SNX13: variants seen among roughly 807,000 people sequenced by gnomAD.
SNX13 encodes the protein sorting nexin 13.
In SNX13, 45 loss-of-function variants were observed where a neutral mutation model predicts 133.6. The observed-to-expected ratio is 0.34, with a 90% CI of 0.27 to 0.43. The LOEUF (loss-of-function observed/expected upper bound fraction) is 0.43. Ranked by LOEUF, SNX13 falls within the 20% of genes least tolerant of loss-of-function variation. The pLI is 1.00. For synonymous variants in SNX13, 414 were observed against 373.9 expected (o/e 1.11, Z -1.24); for missense variants, 1,032 against 1,145.1 (o/e 0.90, Z 1.43).
chr7:17,906,931 A>G (rs551855564), intron 1 of SNX13, among the ~76,000 whole-genome samples: 7 of 152,316 alleles, frequency 4.6e-5, no homozygotes, highest in Admixed American at 4.6e-4. Flanking sequence ...CTAACAAATC[A>G]TCCTGTGAGT....
chr7:17,797,338 A>T (rs1042095568), intron 24 of SNX13, among the ~76,000 whole-genome samples: 1 of 151,816 alleles, frequency 6.6e-6, no homozygotes, highest in African/African-American at 2.4e-5. Flanking sequence ...TATCTCCTTC[A>T]GTTATGCCAT....
At chr7:17,934,698 T>C (rs904749257) in intron 1 of SNX13, among the ~76,000 whole-genome samples, 3 of 152,070 alleles carry the variant, frequency 2.0e-5, no homozygotes, top group African/African-American at 7.2e-5. Context: ...TTCAAGAAAA[T>C]AACCATTTTT....
chr7:17,903,391 C>T (rs940540707), intron 1 of SNX13, among the ~76,000 whole-genome samples: 1 of 152,120 alleles, frequency 6.6e-6, no homozygotes, highest in African/African-American at 2.4e-5. Flanking sequence ...ATCTAAAATG[C>T]TGTGGAAATC....
intron 15 of SNX13, chr7:17,831,372 A>G: frequency 1.1e-5 from 9 of 843,034 alleles, no homozygotes; most frequent in Non-Finnish European, 1.3e-5. Context: ...CTGTTTTAAT[A>G]AAGGAGAAAA....
intron 11 of SNX13, among the ~76,000 whole-genome samples, chr7:17,846,192 T>G (rs1790501021): frequency 6.6e-6 from 1 of 151,442 alleles, no homozygotes. Flanking sequence ...CTCTAAACAG[T>G]GAATTTCAGA....
chr7:17,868,591 G>A (rs981524870), intron 8 of SNX13, 101 bp from the exon 9 acceptor site: 7 of 840,868 alleles, frequency 8.3e-6, no homozygotes, highest in Admixed American at 2.8e-5. Context: ...AGAAAAGTAT[G>A]ATATACATGT....
chr7:17,898,749 C>A (rs985841403), intron 1 of SNX13: 1 of 152,048 alleles, frequency 6.6e-6, no homozygotes, highest in Non-Finnish European at 1.5e-5. Flanking sequence ...AAACAGAAAT[C>A]CTGGATAAGA....
chr7:17,811,983 T>C (rs1310285983), intron 20 of SNX13, among the ~76,000 whole-genome samples: 2 of 152,136 alleles, frequency 1.3e-5, no homozygotes, highest in South Asian at 2.1e-4. Flanking sequence ...TTACACCTTA[T>C]ACAAAAATTA....
intron 22 of SNX13, among the ~76,000 whole-genome samples, chr7:17,801,087 G>A (rs1291763834): frequency 1.1e-5 from 1 of 94,686 alleles, no homozygotes; most frequent in Non-Finnish European, 2.2e-5. Flanking sequence ...TCATTCCTAA[G>A]TATAGATCCA....
At chr7:17,869,332 C>T (rs1260933850) in intron 8 of SNX13, among the ~76,000 whole-genome samples, 1 of 152,002 alleles carries the variant, frequency 6.6e-6, no homozygotes, top group African/African-American at 2.4e-5. Flanking sequence ...TTCCTCATCC[C>T]ATCTTCTCAA....
At chr7:17,874,957 AT>A (rs1408603244) in intron 7 of SNX13, among the ~76,000 whole-genome samples, 1 of 152,244 alleles carries the variant, frequency 6.6e-6, no homozygotes, top group Admixed American at 6.5e-5. Context: ...AGATAAAAAA[AT>A]TCAGTCATAA....
intron 1 of SNX13, among the ~76,000 whole-genome samples, chr7:17,902,460 T>C (rs1797940514): frequency 6.6e-6 from 1 of 152,180 alleles, no homozygotes; most frequent in Non-Finnish European, 1.5e-5. Context: ...AATCAAGTTA[T>C]GTTATTCTAA....
At position 17,803,402 on chromosome 7, in the gene SNX13, T is replaced by G. The variant is rs1265283570; in HGVS notation, c.2226+17A>C. On this transcript the variant is annotated intron_variant, in intron 21 of 25. Coordinates refer to ENST00000428135, the MANE Select transcript of SNX13 (RefSeq NM_015132.5). ...AAAAATAGTTTGCTTTAGACATTAC[T>G]GAAAATGTCTTCTTACCTTAAAAAA... 1.8e-5 allele frequency: 28 copies of G among 1,592,020 alleles called. No homozygotes were observed. Among genetic ancestry groups the G allele is most frequent in the Non-Finnish European group, 2.4e-5 (28 of 1,168,536 alleles).
At chr7:17,796,731 G>T in intron 25 of SNX13, 96 bp downstream of exon 25, 1 of 836,114 alleles carries the variant, frequency 1.2e-6, no homozygotes, top group South Asian at 1.4e-5. Context: ...AAAGGTAGTT[G>T]TTATAATCAA....
chr7:17,887,784 C>T (rs1386640944), intron 5 of SNX13, among the ~76,000 whole-genome samples: 1 of 151,396 alleles, frequency 6.6e-6, no homozygotes, highest in African/African-American at 2.4e-5. Context: ...CACTAGAAAT[C>T]ATGGGTTCTA....
At chr7:17,841,638 G>A (rs1351647485) in intron 12 of SNX13, among the ~76,000 whole-genome samples, 1 of 149,442 alleles carries the variant, frequency 6.7e-6, no homozygotes, top group Non-Finnish European at 1.5e-5. Flanking sequence ...CATTCAAAGA[G>A]GAAAAAAAGC....
intron 9 of SNX13, among the ~76,000 whole-genome samples, chr7:17,863,065 G>A (rs1792921167): frequency 6.6e-6 from 1 of 152,130 alleles, no homozygotes; most frequent in Non-Finnish European, 1.5e-5. Flanking sequence ...ACTCTGCTTT[G>A]AAACTGAGAA....
rs1205492117 is a variant in SNX13 at position 17,792,846 on chromosome 7, A to G, written c.*1199T>C. 6.6e-6 allele frequency: 1 copy of G among 152,374 alleles called. No homozygotes were observed. The highest frequency in any genetic ancestry group is 1.5e-5 in the Non-Finnish European group (1 of 67,880). 9.4% of individuals were successfully genotyped at this position (152,374 alleles called of 1,614,324 possible). ...AAATACAGAAGCTCCAAAACTAGAGAAAGTATTTTATTTTATTGATATAAA... is the reference window on the plus strand; with the variant it reads ...AAATACAGAAGCTCCAAAACTAGAGGAAGTATTTTATTTTATTGATATAAA... On this transcript the variant is annotated 3_prime_UTR_variant, in exon 26 of 26. Coordinates refer to ENST00000428135, the MANE Select transcript of SNX13 (RefSeq NM_015132.5).
chr7:17,796,620 G>A (rs986716574), intron 25 of SNX13: 9 of 483,142 alleles, frequency 1.9e-5, no homozygotes, highest in Admixed American at 6.6e-5. Flanking sequence ...CATATAAAGC[G>A]GTGATGTTAA....
Sources: allele counts gnomAD v4.1 joint callset (sites outside exome capture counted in the v4.1 genomes callset), GRCh38; gene constraint gnomAD v4.1.1; transcripts MANE v1.5; gene names NCBI Gene and HGNC (gene_info 2026-07-23, HGNC 2026-07-21).